Variants in AQP9 observed in about 807,000 individuals in gnomAD.
AQP9 encodes the protein aquaporin 9.
In AQP9, 19 loss-of-function variants were observed where a neutral mutation model predicts 23.8. The ratio of observed to expected loss-of-function variants is 0.80; its 90% CI spans 0.56 to 1.17. AQP9 has a LOEUF of 1.17. Among genes scored for constraint, AQP9 ranks in the 50% most tolerant of loss-of-function variants. The probability of loss-of-function intolerance (pLI) is 0.00; values close to 1 mark genes in which losing one functional copy is unlikely to be tolerated. For missense variants in AQP9, 413 were observed against 362.0 expected (o/e 1.14, Z -1.14); for synonymous variants, 153 against 131.5 (o/e 1.16, Z -1.12).
At chr15:58,173,303 G>A in intron 3 of AQP9, 98 bp downstream of exon 3, 1 of 1,533,914 alleles carries the variant, frequency 6.5e-7, no homozygotes, top group Non-Finnish European at 8.9e-7. Flanking sequence ...GCAAGGACGG[G>A]AAGCATTCTA....
chr15:58,174,802 G>T, intron 3 of AQP9, 116 bp from the exon 4 acceptor site: 1 of 806,962 alleles, frequency 1.2e-6, no homozygotes, highest in South Asian at 1.6e-5. Flanking sequence ...AGAGACAAAT[G>T]ACATGGCTAT....
Position 58,184,156 on chromosome 15 carries a change from T to C in AQP9, c.*21T>C, listed in dbSNP as rs74016588. ...TGTAGTGGCATGCTCAGCTCTGGAT[T>C]TGCAGTCAGTTTGGGATTCTCTTCA... is the stretch of plus-strand genomic sequence containing the variant. On this transcript the variant is annotated 3_prime_UTR_variant, in exon 6 of 6. Transcript: ENST00000219919. 6.2e-6 allele frequency: 10 copies of C among 1,607,974 alleles called. No individual in the cohort carries two copies. Among genetic ancestry groups the C allele is most frequent in the Non-Finnish European group, 8.5e-6 (10 of 1,175,928 alleles).
intron 1 of AQP9, among the ~76,000 whole-genome samples, chr15:58,147,417 A>G (rs759853698): frequency 3.9e-5 from 6 of 152,186 alleles, no homozygotes; most frequent in Non-Finnish European, 8.8e-5. Context: ...TGAAGAAATT[A>G]GGTGCCCATT....
intron 5 of AQP9, among the ~76,000 whole-genome samples, chr15:58,179,980 T>C (rs922680765): frequency 2.0e-5 from 3 of 152,140 alleles, no homozygotes; most frequent in Non-Finnish European, 2.9e-5. Context: ...TCTGGAGATA[T>C]GAGTAAGAAC....
chr15:58,149,095 A>G (rs573466581), intron 1 of AQP9, among the ~76,000 whole-genome samples: 6 of 152,180 alleles, frequency 3.9e-5, no homozygotes, highest in African/African-American at 1.2e-4. Flanking sequence ...CAATTGGAAA[A>G]CTAACTGACA....
At chr15:58,149,650 T>C (rs1324904448) in intron 1 of AQP9, among the ~76,000 whole-genome samples, 3 of 152,322 alleles carry the variant, frequency 2.0e-5, no homozygotes, top group African/African-American at 7.2e-5. Context: ...TATAGTCACA[T>C]AAGCTGAATA....
At chr15:58,156,814 C>G (rs1233902196) in intron 1 of AQP9, among the ~76,000 whole-genome samples, 1 of 152,144 alleles carries the variant, frequency 6.6e-6, no homozygotes, top group Non-Finnish European at 1.5e-5. Flanking sequence ...TCCAGATTCC[C>G]TAGCTCAGAA....
intron 1 of AQP9, among the ~76,000 whole-genome samples, chr15:58,145,188 T>C (rs1898022876): frequency 6.6e-6 from 1 of 152,060 alleles, no homozygotes; most frequent in African/African-American, 2.4e-5. Context: ...TTTTCTCCTC[T>C]GTGTGCCCTT....
intron 1 of AQP9, 162 bp from the exon 2 acceptor site, chr15:58,166,511 T>C: frequency 1.2e-6 from 1 of 859,110 alleles, no homozygotes; most frequent in Middle Eastern, 3.1e-4. Flanking sequence ...GGGTCCACCA[T>C]TTTGCTATCT....
intron 1 of AQP9, among the ~76,000 whole-genome samples, chr15:58,154,586 C>A (rs1437728432): frequency 2.6e-5 from 1 of 39,180 alleles, no homozygotes; most frequent in Non-Finnish European, 1.1e-4. Flanking sequence ...TAATGACCAT[C>A]CCATCATACT....
chr15:58,163,331 G>T (rs944489236), intron 1 of AQP9, among the ~76,000 whole-genome samples: 1 of 152,174 alleles, frequency 6.6e-6, no homozygotes, highest in African/African-American at 2.4e-5. Flanking sequence ...AATCTTAAAA[G>T]TCTGTAGGCC....
At chr15:58,166,161 C>G (rs181945058) in intron 1 of AQP9, among the ~76,000 whole-genome samples, 1 of 152,170 alleles carries the variant, frequency 6.6e-6, no homozygotes, top group East Asian at 1.9e-4. Context: ...AGGAGGGTGA[C>G]CTAAATGAGT....
intron 2 of AQP9, among the ~76,000 whole-genome samples, chr15:58,168,294 G>A (rs1047098854): frequency 1.3e-5 from 2 of 151,820 alleles, no homozygotes; most frequent in Non-Finnish European, 2.9e-5. Context: ...GCCTCCCAAA[G>A]TGCTAGGATT....
chr15:58,178,743 T>G lies in AQP9; in HGVS notation c.496-385T>G, dbSNP rs1042704187. Among the ~76,000 whole-genome samples, 8 of 152,338 alleles carry G rather than the reference T, an allele frequency of 5.3e-5. No homozygotes were observed. The South Asian group carries it at 1.0e-3, about 20-fold the overall frequency. ...ATCTCACATTGCTTTTCTCACCAAT[T>G]TGAACAAGCCTTTCATTCATTTTTC... On this transcript the variant is annotated intron_variant, in intron 4 of 5. Transcript: ENST00000219919.
intron 1 of AQP9, among the ~76,000 whole-genome samples, chr15:58,156,706 C>T (rs930101608): frequency 7.2e-5 from 11 of 152,126 alleles, no homozygotes; most frequent in Non-Finnish European, 1.3e-4. Flanking sequence ...TAACTCAAAA[C>T]TCAGGGCCTC....
chr15:58,159,537 G>A (rs763023336), intron 1 of AQP9, among the ~76,000 whole-genome samples: 2 of 151,924 alleles, frequency 1.3e-5, no homozygotes, highest in Non-Finnish European at 2.9e-5. Context: ...TTTTCTTCTG[G>A]TGACTTTGAA....
chr15:58,171,394 C>A (rs1400535497), intron 2 of AQP9, among the ~76,000 whole-genome samples: 2 of 152,126 alleles, frequency 1.3e-5, no homozygotes, highest in East Asian at 1.9e-4. Context: ...GCCCCGCACC[C>A]CTTTTCCTTT....
At chr15:58,177,827 C>T (rs1898792446) in intron 4 of AQP9, among the ~76,000 whole-genome samples, 1 of 152,086 alleles carries the variant, frequency 6.6e-6, no homozygotes, top group South Asian at 2.1e-4. Flanking sequence ...ACATAGAAAC[C>T]AGCTATAATT....
rs530320852 is a variant in AQP9, at chr15:58,173,182, C to A, written c.353C>A (p.Ala118Glu). ...AQFLGAFVGA[A>E]TVFGIYYDGL... ...TTCTTGGGAGCCTTTGTGGGGGCTG[C>A]AACCGTCTTTGGCATTTACTATGGT... Residue 118 changes from alanine to glutamate, a missense_variant, in exon 3 of 6, where the codon GCA becomes GAA. Coordinates refer to ENST00000219919, the MANE Select transcript of AQP9 (RefSeq NM_020980.5). 1 of 1,614,144 alleles carries A rather than the reference C, an allele frequency of 6.2e-7. No individual in the cohort carries two copies. Among genetic ancestry groups the A allele is most frequent in the Middle Eastern group, 1.6e-4 (1 of 6,062 alleles).
Sources: allele counts gnomAD v4.1 joint callset (sites outside exome capture counted in the v4.1 genomes callset), GRCh38; gene constraint gnomAD v4.1.1; transcripts MANE v1.5; gene names NCBI Gene and HGNC (gene_info 2026-07-23, HGNC 2026-07-21).